Variants in NCOR2 observed in about 807,000 individuals in gnomAD.
NCOR2 encodes the protein nuclear receptor corepressor 2.
In NCOR2, 81 loss-of-function variants were observed where a neutral mutation model predicts 262.9. That is an observed-to-expected ratio of 0.31 (90% confidence interval 0.26 to 0.37). The LOEUF (loss-of-function observed/expected upper bound fraction) is 0.37, where lower values mean the gene tolerates loss of function less well. NCOR2 is among the 10% of genes least tolerant of loss of function. The pLI is 1.00. For synonymous variants in NCOR2, 1,659 were observed against 1,559.3 expected, an observed-to-expected ratio of 1.06 and a Z score of -1.51; for missense variants, 3,385 against 3,621.4, an observed-to-expected ratio of 0.93 and a Z score of 1.68.
At chr12:124,433,676 C>A (rs894161152) in intron 8 of NCOR2, among the ~76,000 whole-genome samples, 2 of 152,144 alleles carry the variant, frequency 1.3e-5, no homozygotes, top group Non-Finnish European at 2.9e-5. Context: ...CCTATGTCCA[C>A]TGTGCTGGGT....
chr12:124,441,570 T>G (rs749873539), intron 7 of NCOR2, among the ~76,000 whole-genome samples: 1 of 152,230 alleles, frequency 6.6e-6, no homozygotes, highest in African/African-American at 2.4e-5. Flanking sequence ...CGGGGATGAA[T>G]GCTAAATTGG....
At chr12:124,383,913 A>G in intron 17 of NCOR2, among the ~76,000 whole-genome samples, 1 of 151,998 alleles carries the variant, frequency 6.6e-6, no homozygotes, top group East Asian at 1.9e-4. Context: ...TGGAGTCTCT[A>G]GGGGTACAGT....
intron 1 of NCOR2, among the ~76,000 whole-genome samples, chr12:124,554,322 T>C (rs1176777321): frequency 6.6e-6 from 1 of 152,178 alleles, no homozygotes; most frequent in Non-Finnish European, 1.5e-5. Flanking sequence ...GCCCTCCCCA[T>C]GGCCCACCTC....
chr12:124,515,665 ATGTGAG>A (rs1737546226), intron 1 of NCOR2, among the ~76,000 whole-genome samples: 1 of 151,174 alleles, frequency 6.6e-6, no homozygotes, highest in South Asian at 2.1e-4. Flanking sequence ...GTGAGTGTGC[ATGTGAG>A]TGTGAGTGTG....
intron 1 of NCOR2, among the ~76,000 whole-genome samples, chr12:124,501,820 T>C (rs1042333821): frequency 1.1e-4 from 17 of 152,322 alleles, no homozygotes; most frequent in African/African-American, 3.1e-4. Flanking sequence ...CCAGAAATAC[T>C]TGTTTTGTTC....
chr12:124,449,732 G>A (rs1209795276), intron 7 of NCOR2, 83 bp downstream of exon 9: 11 of 1,498,470 alleles, frequency 7.3e-6, no homozygotes, highest in Admixed American at 5.4e-5. Flanking sequence ...GAGAGCCCAC[G>A]TCCCACATCC....
intron 13 of NCOR2, among the ~76,000 whole-genome samples, chr12:124,405,963 G>A (rs1007369291): frequency 3.3e-5 from 5 of 152,190 alleles, no homozygotes; most frequent in Non-Finnish European, 5.9e-5. Context: ...CTCGTGGGGA[G>A]CCCTGCGAAG....
chr12:124,333,920 A>G (rs549485209), intron 41 of NCOR2, among the ~76,000 whole-genome samples: 51 of 77,770 alleles, frequency 6.6e-4, no homozygotes, highest in African/African-American at 2.2e-3. Flanking sequence ...GCGGGTGTGC[A>G]TGTGTGTGCG....
chr12:124,457,347 G>T lies in NCOR2; in HGVS notation c.706-185C>A, dbSNP rs1300326326. On this transcript the variant is annotated intron_variant, in intron 5 of 46. Transcript: ENST00000405201. The surrounding 1 kb of genome is among the most constrained non-coding windows in gnomAD (Gnocchi z 4.0). ...CCACGCTGGAAAAAAACACAGAGGA[G>T]CCTCAATACCCCCACAGCGGCCCCA... Among the ~76,000 whole-genome samples the T allele has an allele frequency of 6.6e-6, 1 of 151,712 alleles. No homozygotes were observed. The highest frequency in any genetic ancestry group is 2.4e-5 in the African/African-American group (1 of 41,258).
At chr12:124,376,738 T>G (rs940170235) in intron 18 of NCOR2, among the ~76,000 whole-genome samples, 2 of 152,178 alleles carry the variant, frequency 1.3e-5, no homozygotes, top group African/African-American at 4.8e-5. Flanking sequence ...GCTGGGCTTA[T>G]GGAACCAGGA....
exon 20 of NCOR2, chr12:124,372,157 A>C (rs1266425630): frequency 6.2e-6 from 10 of 1,600,970 alleles, no homozygotes; most frequent in African/African-American, 1.3e-5. Flanking sequence ...CTCTGCCTTG[A>C]GCGCCCCCTC....
In NCOR2 at chr12:124,454,456, T is replaced by C. The variant is rs1012497776; in HGVS notation, c.762+2650A>G. On this transcript the variant is annotated intron_variant, in intron 6 of 46. Transcript: ENST00000405201. The surrounding 1 kb of genome is among the most constrained non-coding windows in gnomAD (Gnocchi z 5.6). ...GTGGGGTCCCTGGTTCCAAAGCTTC[T>C]GACACCAGCAGCTGCCCACCCCCAT... 1.7e-4 allele frequency among the ~76,000 whole-genome samples: 26 copies of C among 152,140 alleles called. No homozygotes were observed. Among genetic ancestry groups the C allele is most frequent in the Admixed American group, 1.3e-4 (2 of 15,278 alleles).
At position 124,384,494 on chromosome 12, in the gene NCOR2, C is replaced by T. The variant is rs185999470; in HGVS notation, c.2019+1251G>A. On this transcript the variant is annotated intron_variant, in intron 17 of 46. Transcript: ENST00000405201. ...CTGAGGCCAGAGGGTGGATCTCAGC[C>T]CTGACCACAGGGCCGTGGGACCGTG... Among the ~76,000 whole-genome samples the T allele has an allele frequency of 7.9e-5, 12 of 152,112 alleles. 1 individual carries two copies. The highest frequency in any genetic ancestry group is 2.7e-4 in the African/African-American group (11 of 41,428).
chr12:124,412,436 T>C (rs570023155), intron 13 of NCOR2, among the ~76,000 whole-genome samples: 1 of 152,344 alleles, frequency 6.6e-6, no homozygotes, highest in African/African-American at 2.4e-5. Flanking sequence ...TTTGCAAACA[T>C]GCAGATGCAC....
chr12:124,536,806 T>C (rs546652999), upstream of NCOR2, among the ~76,000 whole-genome samples: 9 of 152,322 alleles, frequency 5.9e-5, no homozygotes, highest in South Asian at 1.2e-3. Context: ...TCCTAGGACT[T>C]TGTCAGACAG....
intron 32 of NCOR2, among the ~76,000 whole-genome samples, chr12:124,344,300 A>T (rs1248412919): frequency 6.6e-6 from 1 of 152,216 alleles, no homozygotes; most frequent in Non-Finnish European, 1.5e-5. Flanking sequence ...AAGTGGAATA[A>T]TATGATTTGC....
At chr12:124,546,169 A>G (rs1010835867) in intron 1 of NCOR2, among the ~76,000 whole-genome samples, 1 of 152,180 alleles carries the variant, frequency 6.6e-6, no homozygotes. Flanking sequence ...CACGTGGCTT[A>G]ACCCTTCCGA....
At chr12:124,535,090 G>A (rs1275485405) in intron 1 of NCOR2, among the ~76,000 whole-genome samples, 3 of 152,220 alleles carry the variant, frequency 2.0e-5, no homozygotes, top group Non-Finnish European at 2.9e-5. Context: ...CCAGGACCCA[G>A]GCCACCTCTT....
At chr12:124,344,691 G>A (rs779941503) in exon 32 of NCOR2, 5 of 1,528,580 alleles carry the variant, frequency 3.3e-6, no homozygotes. Context: ...CATAGGTCAG[G>A]GGGCTCTGCC....
Sources: allele counts gnomAD v4.1 joint callset (sites outside exome capture counted in the v4.1 genomes callset), GRCh38; gene constraint gnomAD v4.1.1; non-coding constraint Gnocchi (gnomAD v3.1); transcripts MANE v1.5; gene names NCBI Gene and HGNC (gene_info 2026-07-23, HGNC 2026-07-21).